Variants in SGK1 observed in about 807,000 individuals in gnomAD.
SGK1 encodes serum/glucocorticoid regulated kinase 1.
Under a neutral mutation model 64.2 loss-of-function variants are expected in SGK1, and 26 were observed. The observed-to-expected ratio is 0.40, with a 90% confidence interval of 0.30 to 0.56. SGK1 has a LOEUF of 0.56. Among genes scored for constraint, SGK1 ranks in the 20% least tolerant of loss-of-function variants. The pLI is 0.38. For missense variants in SGK1, 519 were observed against 645.6 expected, an observed-to-expected ratio of 0.80 and a Z score of 2.12; for synonymous variants, 265 against 239.7, an observed-to-expected ratio of 1.11 and a Z score of -0.98.
chr6:134,206,416 G>T, intron 3 of SGK1, among the ~76,000 whole-genome samples: 1 of 117,548 alleles, frequency 8.5e-6, no homozygotes, highest in Non-Finnish European at 1.7e-5. Context: ...TTAAATGACA[G>T]GCAGGTAATG....
intron 2 of SGK1, among the ~76,000 whole-genome samples, chr6:134,241,690 G>A (rs1315674265): frequency 6.6e-6 from 1 of 152,078 alleles, no homozygotes; most frequent in Non-Finnish European, 1.5e-5. Flanking sequence ...GGACAATCTC[G>A]GCTCGCTGCA....
intron 1 of SGK1, among the ~76,000 whole-genome samples, chr6:134,279,463 A>AAATAAATAAATAAAG (rs1777063110): frequency 1.6e-5 from 2 of 126,848 alleles, no homozygotes; most frequent in African/African-American, 5.8e-5. Context: ...AATAAATAAA[A>AAATAAATAAATAAAG]TAAAGGCAAG....
In SGK1 at chr6:134,207,524, C is replaced by A. The variant is rs1775813179; in HGVS notation, c.286-93G>T. 7 of 849,852 alleles carry A rather than the reference C, an allele frequency of 8.2e-6. No homozygotes were observed. The Admixed American group carries it at 1.0e-4, about 13-fold the overall frequency. 52.6% of individuals were successfully genotyped at this position (849,852 alleles called of 1,614,324 possible). Reference sequence around the variant, plus strand: ...TAGTTCTAGAGAAAGGATTCCAAGGCTGAAACTAGTACATATGGCATGTCT... The same window carrying A: ...TAGTTCTAGAGAAAGGATTCCAAGGATGAAACTAGTACATATGGCATGTCT... On this transcript the variant is annotated intron_variant, in intron 2 of 13. Coordinates refer to ENST00000367858, the MANE Select transcript of SGK1 (RefSeq NM_001143676.3).
At chr6:134,181,379 C>A (rs1299412321) in intron 3 of SGK1, among the ~76,000 whole-genome samples, 1 of 152,114 alleles carries the variant, frequency 6.6e-6, no homozygotes, top group Admixed American at 6.6e-5. Context: ...GAGTCTTACT[C>A]TGTCGCCCAG....
In SGK1 at chr6:134,317,431, T is replaced by G. The variant is rs1777703144; in HGVS notation, c.30A>C (p.Pro10=). The G allele has an allele frequency of 6.2e-7, 1 of 1,611,000 alleles. No homozygotes were observed. Among genetic ancestry groups the G allele is most frequent in the South Asian group, 1.1e-5 (1 of 91,052 alleles). The change falls in exon 1 of 14, where the codon CCA becomes CCC. Residue 10 remains proline, a synonymous_variant. Transcript: ENST00000367858. MVNKDMNGF[P]VKKCSAFQFF... ...ATTGGAAGGCTGAGCATTTCTTGAC[T>G]GGGAATCCATTCATGTCTTTGTTTA...
At chr6:134,271,235 CTTG>C (rs1221914410) in intron 1 of SGK1, among the ~76,000 whole-genome samples, 3 of 139,492 alleles carry the variant, frequency 2.2e-5, no homozygotes, top group African/African-American at 7.5e-5. Context: ...AGGAGAATCA[CTTG>C]AACCTAGGTG....
chr6:134,309,089 G>A (rs1432238359), intron 1 of SGK1, among the ~76,000 whole-genome samples: 2 of 152,158 alleles, frequency 1.3e-5, no homozygotes, highest in Non-Finnish European at 2.9e-5. Context: ...ATTCTTCTCC[G>A]AAAAACGTCA....
chr6:134,206,377 ATATATATTTTTTTTTTTT>A (rs1775782717), intron 3 of SGK1, among the ~76,000 whole-genome samples: 1 of 4,154 alleles, frequency 2.4e-4, no homozygotes, highest in African/African-American at 6.5e-4. Context: ...ATATATATAT[ATATATATTTTTTTTTTTT>A]TTTTTTTTTT....
intron 2 of SGK1, among the ~76,000 whole-genome samples, chr6:134,241,435 C>T (rs1776445156): frequency 6.6e-6 from 1 of 151,794 alleles, no homozygotes; most frequent in Non-Finnish European, 1.5e-5. Context: ...GTGATCCTGC[C>T]ACCTCGGCCT....
At chr6:134,250,846 T>C (rs889439580) in intron 2 of SGK1, among the ~76,000 whole-genome samples, 4 of 152,200 alleles carry the variant, frequency 2.6e-5, no homozygotes, top group Admixed American at 2.6e-4. Context: ...AGATCATGGC[T>C]CACTGCAGAC....
intron 3 of SGK1, chr6:134,175,896 G>A: frequency 2.8e-6 from 3 of 1,085,226 alleles, no homozygotes; most frequent in East Asian, 6.2e-5. Flanking sequence ...AGGAAGGAAA[G>A]AAAGAGGGAA....
rs2876242 is a variant in SGK1 at position 134,298,473 on chromosome 6, G to C, written c.69+18919C>G. 6,714 of 817,600 alleles carry C rather than the reference G, an allele frequency of 8.2e-3. 35 individuals are homozygous for C. The highest frequency in any genetic ancestry group is 0.011 in the Non-Finnish European group (5,286 of 460,136). 50.6% of individuals were successfully genotyped at this position (817,600 alleles called of 1,614,324 possible). A position where few individuals can be genotyped will look rare whatever the true frequency, so the allele number is the denominator to read the frequency against. ...GTTGGGATCCACCTCCAGATTAAGT[G>C]GGCTCAGCAGGCTCTGGTTGACTGT... On this transcript the variant is annotated intron_variant, in intron 1 of 13. Coordinates refer to ENST00000367858, the MANE Select transcript of SGK1 (RefSeq NM_001143676.3).
chr6:134,277,954 T>A (rs1031982995), intron 1 of SGK1, among the ~76,000 whole-genome samples: 1 of 152,202 alleles, frequency 6.6e-6, no homozygotes, highest in Non-Finnish European at 1.5e-5. Context: ...ATAAACTGAA[T>A]TAAGAGAATT....
intron 1 of SGK1, among the ~76,000 whole-genome samples, chr6:134,275,494 T>C (rs1777006079): frequency 6.6e-6 from 1 of 152,246 alleles, no homozygotes; most frequent in African/African-American, 2.4e-5. Context: ...GATTGATGTA[T>C]TATAAGAAAG....
At chr6:134,294,340 A>G (rs1171363007) in intron 1 of SGK1, among the ~76,000 whole-genome samples, 1 of 152,080 alleles carries the variant, frequency 6.6e-6, no homozygotes, top group Non-Finnish European at 1.5e-5. Context: ...CCAGTCTCCA[A>G]AACTGTTTTC....
At chr6:134,288,092 G>C (rs1324642429) in intron 1 of SGK1, among the ~76,000 whole-genome samples, 3 of 152,216 alleles carry the variant, frequency 2.0e-5, no homozygotes, top group African/African-American at 7.2e-5. Context: ...ACTCAGACCG[G>C]AAGGTTAGTG....
intron 2 of SGK1, among the ~76,000 whole-genome samples, chr6:134,222,476 C>G (rs1341015291): frequency 1.3e-5 from 2 of 151,956 alleles, no homozygotes; most frequent in Non-Finnish European, 2.9e-5. Context: ...GCTGGGATTA[C>G]AGGCGCCCAC....
intron 3 of SGK1, among the ~76,000 whole-genome samples, chr6:134,198,449 C>T (rs904383303): frequency 5.3e-5 from 8 of 152,078 alleles, no homozygotes; most frequent in Non-Finnish European, 1.0e-4. Flanking sequence ...TGTTTTCTAG[C>T]TATAAATATG....
intron 3 of SGK1, among the ~76,000 whole-genome samples, chr6:134,193,362 T>C (rs997736286): frequency 8.5e-5 from 13 of 152,212 alleles, no homozygotes; most frequent in African/African-American, 3.1e-4. Context: ...ATTAACTTCC[T>C]ATTGCATACT....
Sources: allele counts gnomAD v4.1 joint callset (sites outside exome capture counted in the v4.1 genomes callset), GRCh38; gene constraint gnomAD v4.1.1; transcripts MANE v1.5; gene names NCBI Gene and HGNC (gene_info 2026-07-23, HGNC 2026-07-21).